Variants in CYSLTR2 observed in about 807,000 individuals in gnomAD.
CYSLTR2 encodes the protein cysteinyl leukotriene receptor 2.
For missense variants in CYSLTR2, 398 were observed against 411.9 expected (o/e 0.97, Z 0.29); for synonymous variants, 179 against 160.8 (o/e 1.11, Z -0.86).
At chr13:48,692,544 A>C (rs1344922306) in intron 2 of CYSLTR2, among the ~76,000 whole-genome samples, 1 of 151,450 alleles carries the variant, frequency 6.6e-6, no homozygotes, top group Non-Finnish European at 1.5e-5. Context: ...AATTAAATCT[A>C]TTAGATAAAA....
intron 1 of CYSLTR2, among the ~76,000 whole-genome samples, chr13:48,663,184 T>A (rs908830786): frequency 6.6e-6 from 1 of 152,176 alleles, no homozygotes; most frequent in Non-Finnish European, 1.5e-5. Context: ...GATTCTCTAT[T>A]CTGTTCCATT....
intron 1 of CYSLTR2, among the ~76,000 whole-genome samples, chr13:48,679,907 G>A (rs867503985): frequency 6.6e-6 from 1 of 152,160 alleles, no homozygotes; most frequent in African/African-American, 2.4e-5. Context: ...GTTACAGGTG[G>A]CAGAGACAGT....
chr13:48,689,993 A>T (rs1310471064), intron 1 of CYSLTR2, among the ~76,000 whole-genome samples: 1 of 151,962 alleles, frequency 6.6e-6, no homozygotes, highest in Non-Finnish European at 1.5e-5. Context: ...TTTTATTCCT[A>T]GGTATTTTAT....
chr13:48,709,963 C>T lies in CYSLTR2; in HGVS notation c.*2105C>T, dbSNP rs1380419241. 6.6e-6 allele frequency: 1 copy of T among 152,158 alleles called. No individual in the cohort carries two copies. The highest frequency in any genetic ancestry group is 1.5e-5 in the Non-Finnish European group (1 of 68,016). 9.4% of individuals were successfully genotyped at this position (152,158 alleles called of 1,614,324 possible). On this transcript the variant is annotated 3_prime_UTR_variant, in exon 5 of 5. Coordinates refer to ENST00000682523, the MANE Select transcript of CYSLTR2 (RefSeq NM_001308476.3). ...CACATTGAGAGGGATTTAGATTTCT[C>T]TTGCAGAGATTGAGATAAACTAGTC...
intron 4 of CYSLTR2, among the ~76,000 whole-genome samples, chr13:48,698,229 C>T (rs147461512): frequency 0.013 from 2,000 of 152,144 alleles, 49 homozygotes; most frequent in African/African-American, 0.046. Flanking sequence ...TCAGATTCAC[C>T]AAAGTTGAAA....
chr13:48,697,448 C>T (rs1182009915), intron 4 of CYSLTR2, among the ~76,000 whole-genome samples: 4 of 152,156 alleles, frequency 2.6e-5, no homozygotes, highest in Non-Finnish European at 5.9e-5. Flanking sequence ...AGCTGAGGGT[C>T]CTGACTGTTA....
chr13:48,672,616 C>CTTT (rs71076039), intron 1 of CYSLTR2, among the ~76,000 whole-genome samples: 7 of 120,112 alleles, frequency 5.8e-5, no homozygotes, highest in African/African-American at 6.5e-5. Context: ...CTTTTCTTTT[C>CTTT]TTTTTTTTTT....
At chr13:48,667,769 C>T (rs1441677222) in intron 1 of CYSLTR2, among the ~76,000 whole-genome samples, 1 of 152,184 alleles carries the variant, frequency 6.6e-6, no homozygotes, top group Non-Finnish European at 1.5e-5. Flanking sequence ...TGTGCTAGCT[C>T]TTGGAGCTAA....
chr13:48,707,219 T>C lies in CYSLTR2; in HGVS notation c.402T>C (p.Val134=). The change falls in exon 5 of 5, where the codon GTT becomes GTC. Residue 134 remains valine, a synonymous_variant. Coordinates refer to ENST00000682523, the MANE Select transcript of CYSLTR2 (RefSeq NM_001308476.3). Reference sequence around the variant, plus strand: ...TTTATTTCCTGACCGTGCTGAGTGTTGTGCGTTTCCTGGCAATGGTTCACC... The same window carrying C: ...TTTATTTCCTGACCGTGCTGAGTGTCGTGCGTTTCCTGGCAATGGTTCACC... ...SSIYFLTVLS[V]VRFLAMVHPF... The C allele has an allele frequency of 2.5e-6, 4 of 1,614,224 alleles. No homozygotes were observed. The highest frequency in any genetic ancestry group is 2.5e-6 in the Non-Finnish European group (3 of 1,180,050).
Position 48,696,848 on chromosome 13 carries a change from A to G in CYSLTR2, c.-2+222A>G, listed in dbSNP as rs546490939. ...GGCACACCAGGAGATTATATCCCGC[A>G]CATGGCTCGGAGGGTCCCACGCCCG... is the stretch of plus-strand genomic sequence containing the variant. On this transcript the variant is annotated intron_variant, in intron 4 of 4. Transcript: ENST00000682523. Among the ~76,000 whole-genome samples, 669 of 152,288 alleles carry G rather than the reference A, an allele frequency of 4.4e-3. 3 individuals carry two copies. The highest frequency in any genetic ancestry group is 0.014 in the Middle Eastern group (4 of 294).
chr13:48,666,446 T>C (rs1474179443), intron 1 of CYSLTR2, among the ~76,000 whole-genome samples: 1 of 152,174 alleles, frequency 6.6e-6, no homozygotes, highest in Non-Finnish European at 1.5e-5. Flanking sequence ...CATCTCTCTC[T>C]CAAGACTTGG....
chr13:48,698,321 C>T (rs1258311298), intron 4 of CYSLTR2, among the ~76,000 whole-genome samples: 1 of 152,124 alleles, frequency 6.6e-6, no homozygotes, highest in African/African-American at 2.4e-5. Flanking sequence ...ACAGCAGATC[C>T]CTTGGCAGAA....
chr13:48,672,338 T>C (rs752594514), intron 1 of CYSLTR2, among the ~76,000 whole-genome samples: 3 of 152,170 alleles, frequency 2.0e-5, no homozygotes, highest in Non-Finnish European at 4.4e-5. Context: ...ATTTGTTTGC[T>C]CTTGCTTCTC....
chr13:48,685,314 G>A (rs1379241046), intron 1 of CYSLTR2, among the ~76,000 whole-genome samples: 1 of 152,080 alleles, frequency 6.6e-6, no homozygotes, highest in East Asian at 1.9e-4. Flanking sequence ...GAACAGCACC[G>A]AGGGGACGGT....
chr13:48,661,162 G>C (rs1953118364), intron 1 of CYSLTR2, among the ~76,000 whole-genome samples: 1 of 151,110 alleles, frequency 6.6e-6, no homozygotes, highest in African/African-American at 2.4e-5. Flanking sequence ...CTATTGCCCA[G>C]GCTGCTCTTG....
intron 1 of CYSLTR2, among the ~76,000 whole-genome samples, chr13:48,679,200 C>T (rs1387662438): frequency 6.6e-6 from 1 of 152,012 alleles, no homozygotes; most frequent in Non-Finnish European, 1.5e-5. Context: ...AGTCCCTGTC[C>T]CTCTCTCCTT....
At chr13:48,666,598 G>A (rs1179984250) in intron 1 of CYSLTR2, among the ~76,000 whole-genome samples, 1 of 151,868 alleles carries the variant, frequency 6.6e-6, no homozygotes, top group Non-Finnish European at 1.5e-5. Context: ...TCTCTTTTAT[G>A]CCTTTTTTGT....
chr13:48,665,702 C>T (rs1432894229), intron 1 of CYSLTR2, among the ~76,000 whole-genome samples: 1 of 151,944 alleles, frequency 6.6e-6, no homozygotes, highest in Non-Finnish European at 1.5e-5. Flanking sequence ...TATATCTTTA[C>T]AGGTTAGGTG....
intron 3 of CYSLTR2, 90 bp downstream of exon 3, chr13:48,693,600 A>T (rs1594002724): frequency 1.3e-5 from 2 of 150,806 alleles, no homozygotes; most frequent in South Asian, 4.3e-4. Flanking sequence ...AGCCCGCTGC[A>T]GGTGAATAAT....
Sources: gnomAD v4.1 joint callset for allele counts (sites outside exome capture counted in the v4.1 genomes callset) on GRCh38, gnomAD v4.1.1 for gene constraint, MANE v1.5 for transcripts, NCBI Gene and HGNC (gene_info 2026-07-23, HGNC 2026-07-21) for gene names.